The following KCNG1 variants were observed in gnomAD, a reference collection of about 807,000 sequenced individuals.
The protein encoded by KCNG1 is voltage-gated potassium channel regulatory subunit KCNG1.
Under a neutral mutation model 32.4 loss-of-function variants are expected in KCNG1, and 17 were observed. The ratio of observed to expected loss-of-function variants is 0.52; its 90% CI spans 0.36 to 0.79. KCNG1 has a LOEUF of 0.79. Among genes scored for constraint, KCNG1 ranks in the 30% least tolerant of loss-of-function variants. The pLI, the probability that KCNG1 is intolerant of heterozygous loss-of-function variation, is 0.00. For synonymous variants in KCNG1, 358 were observed against 339.9 expected (o/e 1.05, Z -0.59); for missense variants, 441 against 735.2 (o/e 0.60, Z 4.63).
intron 2 of KCNG1, 129 bp downstream of exon 2, chr20:51,009,436 G>T: frequency 9.0e-7 from 1 of 1,109,000 alleles, no homozygotes; most frequent in Non-Finnish European, 1.3e-6. Context: ...AAACATTCCT[G>T]ATGTCAGGAG....
chr20:51,011,273 C>T (rs2123240692), intron 1 of KCNG1, among the ~76,000 whole-genome samples: 1 of 152,320 alleles, frequency 6.6e-6, no homozygotes, highest in African/African-American at 2.4e-5. Context: ...AGGCAGCTGA[C>T]ATCCTAGTGG....
chr20:51,019,205 C>T (rs772389396), intron 1 of KCNG1, among the ~76,000 whole-genome samples: 1 of 152,160 alleles, frequency 6.6e-6, no homozygotes, highest in Non-Finnish European at 1.5e-5. Flanking sequence ...TTCTGATCTC[C>T]AAAAACTATG....
At chr20:51,010,739 A>G (rs1988053422) in intron 1 of KCNG1, among the ~76,000 whole-genome samples, 1 of 152,156 alleles carries the variant, frequency 6.6e-6, no homozygotes, top group South Asian at 2.1e-4. Flanking sequence ...TACTAAAAGT[A>G]CAAAAACTAG....
intron 1 of KCNG1, among the ~76,000 whole-genome samples, chr20:51,014,509 G>A (rs1165680310): frequency 2.0e-5 from 3 of 152,186 alleles, no homozygotes; most frequent in Non-Finnish European, 4.4e-5. Context: ...TGAAGCAGAG[G>A]CTGCGATGGG....
In KCNG1 at chr20:51,009,616, G is replaced by A. The variant is rs773942594; in HGVS notation, c.723C>T (p.Ala241=). Residue 241 remains alanine (A), a synonymous_variant, in exon 2 of 3, where the codon GCC becomes GCT. Transcript: ENST00000371571. ...CLSVLFVTVT[A]VNLSVSTLPS... ...GCAAGGTGCTGACGGAGAGGTTGAC[G>A]GCGGTGACGGTCACGAAGAGCACCG... 10 of 1,610,218 alleles carry A rather than the reference G, an allele frequency of 6.2e-6. No homozygotes were observed. The Admixed American group carries it at 1.7e-4, about 27-fold the overall frequency.
Position 51,004,971 on chromosome 20 carries a change from G to A in KCNG1, c.775-165C>T. On this transcript the variant is annotated intron_variant, in intron 2 of 2. Coordinates refer to ENST00000371571, the MANE Select transcript of KCNG1 (RefSeq NM_002237.4). The surrounding 1 kb of genome is among the most constrained non-coding windows in gnomAD (Gnocchi z 4.3). ...AGTTGTGCCCACTCCGAGGCCTGGG[G>A]CACTAAGCACCATCTCTACACTGGC... is the stretch of plus-strand genomic sequence containing the variant. 1.6e-6 allele frequency: 1 copy of A among 613,288 alleles called. No individual in the cohort carries two copies. Among genetic ancestry groups the A allele is most frequent in the East Asian group, 2.9e-5 (1 of 33,996 alleles). The allele number at this position is 613,288 out of a possible 1,614,324, so 38.0% of individuals were successfully genotyped here. A position where few individuals can be genotyped will look rare whatever the true frequency, so the allele number is the denominator to read the frequency against.
chr20:51,014,513 C>A (rs1988206459), intron 1 of KCNG1, among the ~76,000 whole-genome samples: 1 of 152,084 alleles, frequency 6.6e-6, no homozygotes, highest in Non-Finnish European at 1.5e-5. Context: ...GCAGAGGCTG[C>A]GATGGGGGAG....
At chr20:51,008,570 C>T (rs1987929828) in intron 2 of KCNG1, among the ~76,000 whole-genome samples, 1 of 151,974 alleles carries the variant, frequency 6.6e-6, no homozygotes. Context: ...TGGGCTCAAG[C>T]GATCCTTCTG....
Position 51,009,774 on chromosome 20 carries a change from G to A in KCNG1, c.565C>T (p.Leu189=). Residue 189 remains leucine (L), a synonymous_variant, in exon 2 of 3, where the codon CTG becomes TTG. Transcript: ENST00000371571. Reference sequence around the variant, plus strand: ...TCGCTGTCGCGGCCCTCGCTGTCCAGCGCGTCGTCCTCTTCCTCCCGCTCC... The same window carrying A: ...TCGCTGTCGCGGCCCTCGCTGTCCAACGCGTCGTCCTCTTCCTCCCGCTCC... The part of the protein sequence containing the change: ...MVEREEEDDA[L]DSEGRDSEGP... 6.2e-7 allele frequency: 1 copy of A among 1,611,016 alleles called. No individual in the cohort carries two copies.
rs867894751 is a variant in KCNG1 at position 51,010,072 on chromosome 20, C to A, written c.267G>T (p.Leu89=). Residue 89 remains leucine (L), a synonymous_variant, in exon 2 of 3, where the codon CTG becomes CTT. Coordinates refer to ENST00000371571, the MANE Select transcript of KCNG1 (RefSeq NM_002237.4). ...AGTTGGTGCAGGCCTTGAGCTGGCC[C>A]AGGCGCGTCAGCGGGAACTCGTCCA... ...TTLDEFPLTR[L]GQLKACTNFD... 6.2e-6 allele frequency: 10 copies of A among 1,614,110 alleles called. No homozygotes were observed. Among genetic ancestry groups the A allele is most frequent in the Middle Eastern group, 3.3e-4 (2 of 6,062 alleles).
chr20:51,008,645 T>TTC (rs1987934520), intron 2 of KCNG1, among the ~76,000 whole-genome samples: 1 of 151,634 alleles, frequency 6.6e-6, no homozygotes, highest in South Asian at 2.1e-4. Context: ...ATCTTATGAT[T>TTC]TTTTTTAAAA....
At chr20:51,016,986 A>G (rs944073151) in intron 1 of KCNG1, among the ~76,000 whole-genome samples, 7 of 152,236 alleles carry the variant, frequency 4.6e-5, no homozygotes, top group Non-Finnish European at 8.8e-5. Context: ...ACTTCTGGGT[A>G]TATTTCCCAG....
rs1481860813 is a variant in KCNG1 at position 51,015,643 on chromosome 20, G to C, written c.-26-5279C>G. 2.6e-5 allele frequency among the ~76,000 whole-genome samples: 4 copies of C among 152,170 alleles called. No individual in the cohort carries two copies. The highest frequency in any genetic ancestry group is 9.7e-5 in the African/African-American group (4 of 41,438). Reference sequence around the variant, plus strand: ...AGTGGTCAGGGCAGGGCATATGGTAGGCAGAAAAATGTCCCCACATTCCCC... The same window carrying C: ...AGTGGTCAGGGCAGGGCATATGGTACGCAGAAAAATGTCCCCACATTCCCC... On this transcript the variant is annotated intron_variant, in intron 1 of 2. Coordinates refer to ENST00000371571, the MANE Select transcript of KCNG1 (RefSeq NM_002237.4). The surrounding 1 kb of genome is among the most constrained non-coding windows in gnomAD (Gnocchi z 4.4).
Position 51,004,916 on chromosome 20 carries a change from C to G in KCNG1, c.775-110G>C. 8.4e-7 allele frequency: 1 copy of G among 1,194,198 alleles called. No homozygotes were observed. Among genetic ancestry groups the G allele is most frequent in the Non-Finnish European group, 1.1e-6 (1 of 878,196 alleles). The allele number at this position is 1,194,198 out of a possible 1,614,324, so 74.0% of individuals were successfully genotyped here. A position where few individuals can be genotyped will look rare whatever the true frequency, so the allele number is the denominator to read the frequency against. On this transcript the variant is annotated intron_variant, in intron 2 of 2. Transcript: ENST00000371571. The surrounding 1 kb of genome is among the most constrained non-coding windows in gnomAD (Gnocchi z 4.3). ...GCTTCCCAGGCGGAAGGTGACCTCT[C>G]CAGGTTGAGTGGCCCCGGGTCCTCT...
intron 2 of KCNG1, chr20:51,008,092 C>A (rs998956108): frequency 5.3e-5 from 8 of 152,202 alleles, no homozygotes; most frequent in African/African-American, 1.9e-4. Context: ...ATACCTATTT[C>A]TCCACTGCCT....
intron 1 of KCNG1, among the ~76,000 whole-genome samples, chr20:51,017,954 ACACT>A (rs1265225398): frequency 6.6e-6 from 1 of 152,184 alleles, no homozygotes; most frequent in Non-Finnish European, 1.5e-5. Context: ...AGATCCACTG[ACACT>A]CTCCTCGCAA....
In KCNG1 at chr20:51,005,750, G is replaced by A. The variant is rs150916315; in HGVS notation, c.775-944C>T. Reference sequence around the variant, plus strand: ...GTAAACAGTCCTTTAGTGGATTTGGGCCTCATCCTTGAAGGGGCCTTTGGC... The same window carrying A: ...GTAAACAGTCCTTTAGTGGATTTGGACCTCATCCTTGAAGGGGCCTTTGGC... On this transcript the variant is annotated intron_variant, in intron 2 of 2. Transcript: ENST00000371571. This position sits in a 1 kb window ranked among gnomAD's most constrained non-coding sequence, Gnocchi z 4.0. 1.3e-5 allele frequency: 2 copies of A among 152,344 alleles called. No homozygotes were observed. The highest frequency in any genetic ancestry group is 2.9e-5 in the Non-Finnish European group (2 of 68,046). 9.4% of individuals were successfully genotyped at this position (152,344 alleles called of 1,614,324 possible).
Position 51,003,830 on chromosome 20 carries a change from G to T in KCNG1, c.*209C>A. 2 of 573,468 alleles carry T rather than the reference G, an allele frequency of 3.5e-6. No individual in the cohort carries two copies. Among genetic ancestry groups the T allele is most frequent in the Non-Finnish European group, 6.1e-6 (2 of 328,194 alleles). 35.5% of individuals were successfully genotyped at this position (573,468 alleles called of 1,614,324 possible). Reference sequence around the variant, plus strand: ...GGCTGATGACCCAGCTTCCTTTCACGGCTGCAGGCGGAGGGGCAGGGCCCC... The same window carrying T: ...GGCTGATGACCCAGCTTCCTTTCACTGCTGCAGGCGGAGGGGCAGGGCCCC... On this transcript the variant is annotated 3_prime_UTR_variant, in exon 3 of 3. Transcript: ENST00000371571.
At position 51,005,010 on chromosome 20, in the gene KCNG1, T is replaced by C. The variant is rs1449104540; in HGVS notation, c.775-204A>G. On this transcript the variant is annotated intron_variant, in intron 2 of 2. Coordinates refer to ENST00000371571, the MANE Select transcript of KCNG1 (RefSeq NM_002237.4). The surrounding 1 kb of genome is among the most constrained non-coding windows in gnomAD (Gnocchi z 4.0). ...CTCTACACTGGCCGCTCCTCATCTC[T>C]CTCTCCAGCCCCCACCTCAGCCCTG... 2 of 495,980 alleles carry C rather than the reference T, an allele frequency of 4.0e-6. No homozygotes were observed. Among genetic ancestry groups the C allele is most frequent in the Admixed American group, 7.6e-5 (2 of 26,204 alleles). The allele number at this position is 495,980 out of a possible 1,614,324, so 30.7% of individuals were successfully genotyped here. A position where few individuals can be genotyped will look rare whatever the true frequency, so the allele number is the denominator to read the frequency against.
Sources: allele counts gnomAD v4.1 joint callset (sites outside exome capture counted in the v4.1 genomes callset), GRCh38; gene constraint gnomAD v4.1.1; non-coding constraint Gnocchi (gnomAD v3.1); transcripts MANE v1.5; gene names NCBI Gene and HGNC (gene_info 2026-07-23, HGNC 2026-07-21).